The following SEMA5A variants were observed in gnomAD, a reference collection of about 807,000 sequenced individuals.
SEMA5A encodes the protein semaphorin-5A.
In SEMA5A, 55 loss-of-function variants were observed where a neutral mutation model predicts 135.5. That is an observed-to-expected ratio of 0.41 (90% CI 0.33 to 0.51). SEMA5A has a LOEUF of 0.51. Among genes scored for constraint, SEMA5A ranks in the 20% least tolerant of loss-of-function variants. The pLI is 0.37. For missense variants in SEMA5A, 1,290 were observed against 1,419.9 expected, an observed-to-expected ratio of 0.91 and a Z score of 1.47; for synonymous variants, 580 against 546.5, an observed-to-expected ratio of 1.06 and a Z score of -0.85.
At chr5:9,299,598 C>T (rs1181031148) in intron 5 of SEMA5A, among the ~76,000 whole-genome samples, 1 of 152,124 alleles carries the variant, frequency 6.6e-6, no homozygotes, top group East Asian at 1.9e-4. Context: ...CCAAGTCAAC[C>T]TTGCCAGCGT....
At chr5:9,044,978 T>C (rs1736172703) in intron 21 of SEMA5A, among the ~76,000 whole-genome samples, 1 of 151,936 alleles carries the variant, frequency 6.6e-6, no homozygotes, top group African/African-American at 2.4e-5. Context: ...AGAGATGGGG[T>C]TTCTCCATGT....
intron 16 of SEMA5A, among the ~76,000 whole-genome samples, chr5:9,088,445 G>GA (rs1291120352): frequency 2.0e-5 from 3 of 150,404 alleles, no homozygotes; most frequent in Non-Finnish European, 1.5e-5. Flanking sequence ...TACTGTGACA[G>GA]AAAAAAAAGT....
chr5:9,240,044 T>A (rs1357710302), intron 5 of SEMA5A, among the ~76,000 whole-genome samples: 5 of 151,894 alleles, frequency 3.3e-5, no homozygotes, highest in African/African-American at 1.2e-4. Flanking sequence ...GGCCAAAGAT[T>A]GAAAGGGAAA....
At chr5:9,490,373 G>A (rs1353735015) in intron 1 of SEMA5A, among the ~76,000 whole-genome samples, 3 of 151,854 alleles carry the variant, frequency 2.0e-5, no homozygotes, top group Non-Finnish European at 4.4e-5. Context: ...TAAATCAGAT[G>A]TTTAGGACTG....
At chr5:9,047,605 T>C (rs1228118756) in intron 21 of SEMA5A, among the ~76,000 whole-genome samples, 2 of 152,200 alleles carry the variant, frequency 1.3e-5, no homozygotes, top group Non-Finnish European at 2.9e-5. Context: ...GTTGGTTCAA[T>C]TGGCTAATAA....
intron 5 of SEMA5A, among the ~76,000 whole-genome samples, chr5:9,246,990 G>A (rs1000734725): frequency 1.3e-5 from 2 of 151,992 alleles, no homozygotes; most frequent in African/African-American, 2.4e-5. Context: ...TTTCATCTGG[G>A]AATATAGTTA....
intron 13 of SEMA5A, 47 bp from the exon 14 acceptor site, chr5:9,122,884 A>G: frequency 7.4e-6 from 11 of 1,476,766 alleles, no homozygotes; most frequent in Non-Finnish European, 9.2e-6. Flanking sequence ...TTAAAGCTGA[A>G]CACATAATGG....
Position 9,204,455 on chromosome 5 carries a change from G to A in SEMA5A, c.647-2215C>T, listed in dbSNP as rs1249674494. 6.6e-6 allele frequency among the ~76,000 whole-genome samples: 1 copy of A among 152,172 alleles called. No individual in the cohort carries two copies. Among genetic ancestry groups the A allele is most frequent in the Non-Finnish European group, 1.5e-5 (1 of 68,022 alleles). ...TGAAAAACGAGAAGATACAAAGGAA[G>A]AAAGATCTTTTATGGTTTCCAGCTG... On this transcript the variant is annotated intron_variant, in intron 8 of 22. Coordinates refer to ENST00000382496, the MANE Select transcript of SEMA5A (RefSeq NM_003966.3). This position sits in a 1 kb window ranked among gnomAD's most constrained non-coding sequence, Gnocchi z 6.4.
In SEMA5A at chr5:9,062,873, C is replaced by G; in HGVS notation, c.2518+14G>C. 6.2e-7 allele frequency: 1 copy of G among 1,613,914 alleles called. No homozygotes were observed. The highest frequency in any genetic ancestry group is 8.5e-7 in the Non-Finnish European group (1 of 1,179,746). On this transcript the variant is annotated intron_variant, in intron 18 of 22. Transcript: ENST00000382496. ...GAGTTTTCAGATGTTTTGTAGACTACACAATCCACTTACCTGGGCAGGGCA... is the reference window on the plus strand; with the variant it reads ...GAGTTTTCAGATGTTTTGTAGACTAGACAATCCACTTACCTGGGCAGGGCA...
At chr5:9,376,058 A>C (rs1034540974) in intron 3 of SEMA5A, among the ~76,000 whole-genome samples, 3 of 152,002 alleles carry the variant, frequency 2.0e-5, no homozygotes, top group Non-Finnish European at 4.4e-5. Context: ...CAATTTCCAG[A>C]ATCTACTTCT....
intron 1 of SEMA5A, among the ~76,000 whole-genome samples, chr5:9,518,796 T>G (rs562052699): frequency 1.3e-5 from 2 of 152,178 alleles, no homozygotes; most frequent in East Asian, 1.9e-4. Context: ...ACAGAGGAGA[T>G]GCTGACTCAA....
At chr5:9,149,584 C>T (rs1178559128) in intron 12 of SEMA5A, among the ~76,000 whole-genome samples, 1 of 152,208 alleles carries the variant, frequency 6.6e-6, no homozygotes, top group African/African-American at 2.4e-5. Context: ...ATGGAGGTTG[C>T]AGTGAGCTGA....
At chr5:9,173,176 G>C (rs1037148852) in intron 11 of SEMA5A, among the ~76,000 whole-genome samples, 2 of 152,076 alleles carry the variant, frequency 1.3e-5, no homozygotes, top group African/African-American at 4.8e-5. Flanking sequence ...TGCACACAGG[G>C]ACAGATGGCT....
intron 5 of SEMA5A, among the ~76,000 whole-genome samples, chr5:9,239,170 A>G (rs1748071925): frequency 6.6e-6 from 1 of 152,172 alleles, no homozygotes; most frequent in Admixed American, 6.5e-5. Context: ...AAAGTATTCT[A>G]GAAAGAACCA....
chr5:9,431,487 G>T (rs958294452), intron 2 of SEMA5A, among the ~76,000 whole-genome samples: 1 of 152,108 alleles, frequency 6.6e-6, no homozygotes, highest in African/African-American at 2.4e-5. Context: ...AAATGACTCT[G>T]ATTTCTTTGT....
intron 5 of SEMA5A, among the ~76,000 whole-genome samples, chr5:9,275,831 C>T (rs2150552178): frequency 6.6e-6 from 1 of 152,262 alleles, no homozygotes; most frequent in East Asian, 1.9e-4. Context: ...TGGAACATAT[C>T]TCAAATAATA....
intron 1 of SEMA5A, among the ~76,000 whole-genome samples, chr5:9,458,537 C>A (rs187876131): frequency 6.6e-6 from 1 of 152,198 alleles, no homozygotes; most frequent in Admixed American, 6.5e-5. Flanking sequence ...CTCGCCCATA[C>A]GCCACCCAGC....
In SEMA5A at chr5:9,058,396, T is replaced by C. The variant is rs140510414; in HGVS notation, c.2519-4139A>G. 4.2e-3 allele frequency among the ~76,000 whole-genome samples: 643 copies of C among 152,202 alleles called. 2 individuals carry two copies. The highest frequency in any genetic ancestry group is 0.01 in the Middle Eastern group (3 of 294). On this transcript the variant is annotated intron_variant, in intron 18 of 22. Coordinates refer to ENST00000382496, the MANE Select transcript of SEMA5A (RefSeq NM_003966.3). ...TCCTCCCATGTTGCTAAAAATCACA[T>C]AGGAATCTCCTCATGGCTTGAATCA... is the stretch of plus-strand genomic sequence containing the variant.
chr5:9,525,399 A>G (rs1216375334), intron 1 of SEMA5A, among the ~76,000 whole-genome samples: 8 of 152,224 alleles, frequency 5.3e-5, no homozygotes, highest in Admixed American at 1.3e-4. Context: ...AATCCTTACT[A>G]GTGTGTCCAT....
Sources: allele counts gnomAD v4.1 joint callset (sites outside exome capture counted in the v4.1 genomes callset), GRCh38; gene constraint gnomAD v4.1.1; non-coding constraint Gnocchi (gnomAD v3.1); transcripts MANE v1.5; gene names NCBI Gene and HGNC (gene_info 2026-07-23, HGNC 2026-07-21).